HOMER3: variants seen among roughly 807,000 people sequenced by gnomAD.
HOMER3 encodes homer protein homolog 3.
A neutral mutation model predicts 45.5 loss-of-function variants in HOMER3; 34 were observed. The observed-to-expected ratio is 0.75, with a 90% CI of 0.57 to 1.00. The LOEUF (loss-of-function observed/expected upper bound fraction) is 1.00. Ranked by LOEUF, HOMER3 falls within the 50% of genes least tolerant of loss-of-function variation. HOMER3 has a pLI of 0.00. For missense variants in HOMER3, 480 were observed against 497.5 expected, an observed-to-expected ratio of 0.96 and a Z score of 0.33; for synonymous variants, 223 against 208.8, an observed-to-expected ratio of 1.07 and a Z score of -0.58.
chr19:18,932,885 A>AACCCCCCCCCCCCCCCCC, intron 6 of HOMER3, 39 bp downstream of exon 6: 4 of 687,536 alleles, frequency 5.8e-6, no homozygotes, highest in Non-Finnish European at 8.5e-6. Flanking sequence ...CCCCACCCCT[A>AACCCCCCCCCCCCCCCCC]CCCCCGCCCC....
chr19:18,933,447 T>C (rs1375875321), intron 5 of HOMER3, among the ~76,000 whole-genome samples: 2 of 152,100 alleles, frequency 1.3e-5, no homozygotes, highest in East Asian at 3.9e-4. Flanking sequence ...GCCGAATTCG[T>C]GTTTCGTGAG....
chr19:18,935,407 A>G (rs1340161584), intron 4 of HOMER3, among the ~76,000 whole-genome samples: 1 of 152,088 alleles, frequency 6.6e-6, no homozygotes, highest in Non-Finnish European at 1.5e-5. Flanking sequence ...AAGTGTGAGA[A>G]TGACAGGTAT....
chr19:18,932,342 T>C lies in HOMER3; in HGVS notation c.534-210A>G, dbSNP rs1288112441. Among the ~76,000 whole-genome samples the C allele has an allele frequency of 2.3e-4, 20 of 85,700 alleles. No individual in the cohort carries two copies. The Admixed American group carries it at 3.1e-3, about 13-fold the overall frequency. The allele number at this position is 85,700 out of a possible 152,430, so 56.2% of individuals were successfully genotyped here. A position where few individuals can be genotyped will look rare whatever the true frequency, so the allele number is the denominator to read the frequency against. On this transcript the variant is annotated intron_variant, in intron 6 of 9. Coordinates refer to ENST00000392351, the MANE Select transcript of HOMER3 (RefSeq NM_004838.4). ...GGGCTGGGGGCGGAGTCAGCGGCAA[T>C]GCTCGGTTAGGGGGCGGGGCCAGGG...
chr19:18,938,842 A>G lies in HOMER3; in HGVS notation c.57T>C (p.Ile19=). Reference sequence around the variant, plus strand: ...TCCAGTTTCGCTTGGTGGCTGGGTCAATTTGGAACACGTGCGCCCGTGTGC... The same window carrying G: ...TCCAGTTTCGCTTGGTGGCTGGGTCGATTTGGAACACGTGCGCCCGTGTGC... ...IFSTRAHVFQ[I]DPATKRNWIP... Residue 19 remains isoleucine, a synonymous_variant, in exon 3 of 10, where the codon ATT becomes ATC. Transcript: ENST00000392351. The G allele has an allele frequency of 8.1e-6, 13 of 1,602,000 alleles. No homozygotes were observed. Among genetic ancestry groups the G allele is most frequent in the Non-Finnish European group, 1.0e-5 (12 of 1,174,662 alleles).
Position 18,934,315 on chromosome 19 carries a change from G to A in HOMER3, c.399C>T (p.Leu133=), listed in dbSNP as rs777155967. 6.5e-6 allele frequency: 10 copies of A among 1,530,480 alleles called. No homozygotes were observed. In the South Asian group the frequency reaches 7.5e-5, roughly 12 times the overall value. The allele number at this position is 1,530,480 out of a possible 1,614,324, so 94.8% of individuals were successfully genotyped here. ...AGGGAGTGCTGACCTGGTGGGAGGC[G>A]AGCCCCAGGGCTGGACTGGTGAGCT... ...GGELTSPALG[L]ASHQVPPSPL... Residue 133 remains leucine (L), a synonymous_variant, in exon 5 of 10, where the codon CTC becomes CTT. Transcript: ENST00000392351.
chr19:18,933,406 G>A (rs1329577683), intron 5 of HOMER3, among the ~76,000 whole-genome samples: 1 of 152,170 alleles, frequency 6.6e-6, no homozygotes, highest in East Asian at 1.9e-4. Context: ...TCAACATCAC[G>A]TTTAGGATTT....
intron 4 of HOMER3, 140 bp from the exon 5 acceptor site, chr19:18,934,550 G>GA (rs2057071646): frequency 2.0e-6 from 1 of 494,952 alleles, no homozygotes; most frequent in Non-Finnish European, 3.6e-6. Flanking sequence ...GAGAAACTTT[G>GA]AAAAATGATG....
At chr19:18,935,984 A>T (rs1288838843) in intron 4 of HOMER3, among the ~76,000 whole-genome samples, 1 of 149,828 alleles carries the variant, frequency 6.7e-6, no homozygotes, top group Non-Finnish European at 1.5e-5. Flanking sequence ...GTGCCATTGC[A>T]CTCCAGCCTG....
chr19:18,933,067 G>A, intron 5 of HOMER3, 22 bp from the exon 6 acceptor site: 1 of 1,477,004 alleles, frequency 6.8e-7, no homozygotes, highest in Non-Finnish European at 9.0e-7. Context: ...GAAAAGAATA[G>A]GTCACGACCC....
chr19:18,933,861 C>T (rs1234679511), intron 5 of HOMER3, among the ~76,000 whole-genome samples: 4 of 152,158 alleles, frequency 2.6e-5, no homozygotes, highest in African/African-American at 7.2e-5. Flanking sequence ...CATGCCACCA[C>T]GCCTGGCTAA....
At chr19:18,935,085 G>A (rs950074301) in intron 4 of HOMER3, among the ~76,000 whole-genome samples, 5 of 149,004 alleles carry the variant, frequency 3.4e-5, no homozygotes, top group Non-Finnish European at 5.9e-5. Flanking sequence ...GAAGTGATCC[G>A]CCTGCCTCAG....
chr19:18,937,699 A>G (rs886497939), intron 4 of HOMER3, among the ~76,000 whole-genome samples: 1 of 151,056 alleles, frequency 6.6e-6, no homozygotes, highest in Non-Finnish European at 1.5e-5. Flanking sequence ...AAAGAAGAAG[A>G]TCTTCGTGAA....
chr19:18,938,451 T>A lies in HOMER3; in HGVS notation c.205A>T (p.Thr69Ser). 1.2e-6 allele frequency: 2 copies of A among 1,614,032 alleles called. No homozygotes were observed. The highest frequency in any genetic ancestry group is 1.7e-6 in the Non-Finnish European group (2 of 1,179,930). Residue 69 changes from threonine (T) to serine (S), a missense_variant, in exon 4 of 10, where the codon ACC becomes TCC. Physicochemically the swap from Thr to Ser is moderately conservative, Grantham distance 58. Transcript: ENST00000392351. ...AACTTCTGGGAAGTTTTGGTGAAGG[T>A]CATGTTGGGAGTGACAGTGCTGTTG... Reference protein sequence around the residue: ...IINSTVTPNMTFTKTSQKFGQ... With the variant: ...IINSTVTPNMSFTKTSQKFGQ...
In HOMER3 at chr19:18,932,010, G is replaced by A; in HGVS notation, c.656C>T (p.Ala219Val). ...CAGCCGCTCGGCCTCTGCACGCTGA[G>A]CCTCCAGCTGCTGCCTCCACTGGGC... Reference protein sequence around the residue: ...AAAQWRQQLEAQRAEAERLRQ... With the variant: ...AAAQWRQQLEVQRAEAERLRQ... The change falls in exon 7 of 10, where the codon GCT becomes GTT. Residue 219 changes from alanine to valine, a missense_variant. Coordinates refer to ENST00000392351, the MANE Select transcript of HOMER3 (RefSeq NM_004838.4). The A allele has an allele frequency of 6.5e-7, 1 of 1,547,348 alleles. No individual in the cohort carries two copies.
intron 4 of HOMER3, among the ~76,000 whole-genome samples, chr19:18,936,423 A>G (rs558903861): frequency 2.5e-4 from 35 of 142,370 alleles, no homozygotes; most frequent in South Asian, 4.4e-4. Flanking sequence ...GATTACCTGA[A>G]GTCAGGAGTT....
At chr19:18,939,495 T>C (rs1356525217) in intron 1 of HOMER3, 1 of 153,078 alleles carries the variant, frequency 6.5e-6, no homozygotes, top group African/African-American at 2.4e-5. Flanking sequence ...ATAATTATTA[T>C]AGATAACTCA....
At chr19:18,932,891 G>GGCC in intron 6 of HOMER3, 33 bp downstream of exon 6, 1 of 275,904 alleles carries the variant, frequency 3.6e-6, no homozygotes, top group Non-Finnish European at 6.0e-6. Context: ...CCCTACCCCC[G>GGCC]CCCCTGCCAC....
In HOMER3 at chr19:18,938,338, C is replaced by A. The variant is rs747027412; in HGVS notation, c.303+15G>T. On this transcript the variant is annotated intron_variant, in intron 4 of 9. Transcript: ENST00000392351. ...TCTCATCGGTTCCCTCCACTCTCCC[C>A]CTCACCCGGCCCACCTGTGTCAGAT... The A allele has an allele frequency of 1.3e-6, 2 of 1,597,192 alleles. No homozygotes were observed. The highest frequency in any genetic ancestry group is 4.5e-5 in the East Asian group (2 of 44,356).
At chr19:18,937,323 A>AAAG (rs1170541743) in intron 4 of HOMER3, among the ~76,000 whole-genome samples, 1,618 of 150,130 alleles carry the variant, frequency 0.011, 37 homozygotes, top group African/African-American at 0.038. Flanking sequence ...AAAAAAAAAA[A>AAAG]AAGAAGGGAG....
Sources: allele counts gnomAD v4.1 joint callset (sites outside exome capture counted in the v4.1 genomes callset), GRCh38; gene constraint gnomAD v4.1.1; transcripts MANE v1.5; gene names NCBI Gene and HGNC (gene_info 2026-07-23, HGNC 2026-07-21).